The following SH3RF3 variants were observed in gnomAD, a reference collection of about 807,000 sequenced individuals.
SH3RF3 encodes E3 ubiquitin-protein ligase SH3RF3.
In SH3RF3, 29 loss-of-function variants were observed where a neutral mutation model predicts 66.3. That is an observed-to-expected ratio of 0.44 (90% CI 0.33 to 0.60). The LOEUF is 0.60. Among genes scored for constraint, SH3RF3 ranks in the 20% least tolerant of loss-of-function variants. SH3RF3 has a pLI of 0.04. For synonymous variants in SH3RF3, 583 were observed against 532.0 expected (o/e 1.10, Z -1.32); for missense variants, 1,194 against 1,190.9 (o/e 1.00, Z -0.04).
chr2:109,252,132 T>C (rs1680108207), intron 1 of SH3RF3, among the ~76,000 whole-genome samples: 1 of 151,850 alleles, frequency 6.6e-6, no homozygotes, highest in Non-Finnish European at 1.5e-5. Context: ...TAGTCTCAGC[T>C]ACTCAGGAGG....
At chr2:109,266,872 C>T (rs1680508973) in intron 1 of SH3RF3, among the ~76,000 whole-genome samples, 1 of 152,202 alleles carries the variant, frequency 6.6e-6, no homozygotes, top group African/African-American at 2.4e-5. Context: ...ACCACTGCTG[C>T]AGACCGCCTC....
At chr2:109,193,782 A>G (rs1160449037) in intron 1 of SH3RF3, among the ~76,000 whole-genome samples, 2 of 152,178 alleles carry the variant, frequency 1.3e-5, no homozygotes, top group Non-Finnish European at 2.9e-5. Context: ...GGAAAAGAAC[A>G]TTTGTGCAGT....
intron 2 of SH3RF3, among the ~76,000 whole-genome samples, chr2:109,363,990 G>A (rs1187057405): frequency 1.3e-5 from 2 of 152,072 alleles, no homozygotes; most frequent in Non-Finnish European, 2.9e-5. Flanking sequence ...TGGATCTGTG[G>A]TTTGGTGTCT....
At chr2:109,301,095 C>G (rs1268161513) in intron 1 of SH3RF3, among the ~76,000 whole-genome samples, 1 of 152,194 alleles carries the variant, frequency 6.6e-6, no homozygotes, top group African/African-American at 2.4e-5. Context: ...AATAAATAAT[C>G]ATTGCTATTT....
chr2:109,339,709 A>G (rs947732705), intron 1 of SH3RF3, among the ~76,000 whole-genome samples: 25 of 152,304 alleles, frequency 1.6e-4, no homozygotes, highest in Middle Eastern at 3.4e-3. Context: ...CTAAGTACCC[A>G]TTATCAGAAC....
chr2:109,319,394 C>T (rs1001696519), intron 1 of SH3RF3, among the ~76,000 whole-genome samples: 2 of 152,192 alleles, frequency 1.3e-5, no homozygotes, highest in African/African-American at 4.8e-5. Flanking sequence ...TCAGTGGGGT[C>T]CCGGGGATCA....
At chr2:109,489,670 C>T (rs1043010283) in intron 8 of SH3RF3, among the ~76,000 whole-genome samples, 2 of 147,584 alleles carry the variant, frequency 1.4e-5, no homozygotes, top group Admixed American at 1.4e-4. Flanking sequence ...GGCCTCGGGG[C>T]CTATTTTGGA....
chr2:109,220,279 A>G (rs929068299), intron 1 of SH3RF3, among the ~76,000 whole-genome samples: 1 of 152,234 alleles, frequency 6.6e-6, no homozygotes, highest in East Asian at 1.9e-4. Context: ...TTAACTCAAA[A>G]TGGGTTAAAG....
At chr2:109,423,119 G>A (rs984366556) in intron 5 of SH3RF3, among the ~76,000 whole-genome samples, 8 of 152,174 alleles carry the variant, frequency 5.3e-5, no homozygotes, top group African/African-American at 2.4e-5. Flanking sequence ...TACCCTGTGA[G>A]GTGCATGACC....
chr2:109,224,848 C>A (rs1679334479), intron 1 of SH3RF3, among the ~76,000 whole-genome samples: 1 of 152,086 alleles, frequency 6.6e-6, no homozygotes. Context: ...CAGAGCAAGA[C>A]TCTGTCTCAA....
intron 1 of SH3RF3, among the ~76,000 whole-genome samples, chr2:109,339,604 G>T (rs1257017436): frequency 6.6e-6 from 1 of 152,172 alleles, no homozygotes; most frequent in East Asian, 1.9e-4. Context: ...GGGGCTGCAG[G>T]GGTTGCCGGT....
chr2:109,277,136 G>C (rs1233226348), intron 1 of SH3RF3, among the ~76,000 whole-genome samples: 1 of 152,158 alleles, frequency 6.6e-6, no homozygotes, highest in Non-Finnish European at 1.5e-5. Flanking sequence ...AGGGGGCATG[G>C]GGTGGCAGGT....
intron 1 of SH3RF3, among the ~76,000 whole-genome samples, chr2:109,239,223 G>A (rs34128417): frequency 1.7e-3 from 261 of 152,134 alleles, no homozygotes; most frequent in Non-Finnish European, 2.6e-3. Context: ...GCTGGGGTCC[G>A]TAAATACGGA....
intron 3 of SH3RF3, among the ~76,000 whole-genome samples, chr2:109,374,858 G>A (rs565749758): frequency 8.5e-5 from 13 of 152,278 alleles, no homozygotes; most frequent in Admixed American, 6.5e-5. Flanking sequence ...TCCCATCAGC[G>A]CAGCTCAGGC....
chr2:109,408,034 C>A (rs1162289757), intron 4 of SH3RF3, among the ~76,000 whole-genome samples: 1 of 152,136 alleles, frequency 6.6e-6, no homozygotes, highest in African/African-American at 2.4e-5. Flanking sequence ...AGGAAAGATC[C>A]TTGGGTCTTC....
intron 1 of SH3RF3, among the ~76,000 whole-genome samples, chr2:109,233,099 G>T (rs1054965637): frequency 6.6e-6 from 1 of 152,188 alleles, no homozygotes; most frequent in Admixed American, 6.5e-5. Context: ...CAGTGGCGAG[G>T]GGTGTGTTAC....
chr2:109,405,997 G>A (rs1257865314), intron 4 of SH3RF3, among the ~76,000 whole-genome samples: 1 of 152,314 alleles, frequency 6.6e-6, no homozygotes, highest in African/African-American at 2.4e-5. Context: ...AACTCCCGCA[G>A]GCCCGGCTGC....
chr2:109,149,474 C>T (rs1677182949), intron 1 of SH3RF3, among the ~76,000 whole-genome samples: 1 of 152,168 alleles, frequency 6.6e-6, no homozygotes, highest in African/African-American at 2.4e-5. Context: ...TTTCATGGAC[C>T]TCAGATGAAT....
At chr2:109,459,636 G>T (rs556882672) in intron 8 of SH3RF3, among the ~76,000 whole-genome samples, 11 of 152,190 alleles carry the variant, frequency 7.2e-5, no homozygotes, top group African/African-American at 2.6e-4. Flanking sequence ...AGTCACCCGA[G>T]CCAGCACAGT....
Sources: allele counts gnomAD v4.1 joint callset (sites outside exome capture counted in the v4.1 genomes callset), GRCh38; gene constraint gnomAD v4.1.1; transcripts MANE v1.5; gene names NCBI Gene and HGNC (gene_info 2026-07-23, HGNC 2026-07-21).